Variants in AAK1 observed in about 807,000 individuals in gnomAD.
The protein encoded by AAK1 is AP2 associated kinase 1.
A neutral mutation model predicts 116.0 loss-of-function variants in AAK1; 37 were observed. The observed-to-expected ratio is 0.32, with a 90% confidence interval of 0.25 to 0.42. The LOEUF (loss-of-function observed/expected upper bound fraction) is 0.42. Among genes scored for constraint, AAK1 ranks in the 10% least tolerant of loss-of-function variants. The pLI is 1.00. For missense variants in AAK1, 919 were observed against 1,170.6 expected (o/e 0.79, Z 3.14); for synonymous variants, 458 against 439.9 (o/e 1.04, Z -0.51).
chr2:69,466,506 T>C lies in AAK1; in HGVS notation c.*9363A>G, dbSNP rs1166005763. 1 of 1,237,876 alleles carries C rather than the reference T, an allele frequency of 8.1e-7. No homozygotes were observed. The highest frequency in any genetic ancestry group is 1.4e-5 in the South Asian group (1 of 73,006). 76.7% of individuals were successfully genotyped at this position (1,237,876 alleles called of 1,614,324 possible). Reference sequence around the variant, plus strand: ...TTTAACACCCAGTGATTCTTTAAAGTGCTCTACAGTTATTACAGGACAGGG... The same window carrying C: ...TTTAACACCCAGTGATTCTTTAAAGCGCTCTACAGTTATTACAGGACAGGG... On this transcript the variant is annotated 3_prime_UTR_variant, in exon 22 of 22. Coordinates refer to ENST00000409085, the MANE Select transcript of AAK1 (RefSeq NM_014911.5).
At chr2:69,524,031 C>T (rs962116294) in intron 10 of AAK1, among the ~76,000 whole-genome samples, 7 of 152,200 alleles carry the variant, frequency 4.6e-5, no homozygotes, top group African/African-American at 1.7e-4. Flanking sequence ...TTCGTTTAAT[C>T]CTCTTTTGGC....
chr2:69,569,534 T>G (rs1052667045), intron 2 of AAK1, among the ~76,000 whole-genome samples: 2 of 152,122 alleles, frequency 1.3e-5, no homozygotes, highest in African/African-American at 4.8e-5. Context: ...ATCTTCAGTG[T>G]GCTATTGGAT....
At chr2:69,530,896 C>T (rs904247916) in intron 6 of AAK1, among the ~76,000 whole-genome samples, 190 bp from the exon 7 acceptor site, 4 of 152,276 alleles carry the variant, frequency 2.6e-5, no homozygotes, top group African/African-American at 9.6e-5. Flanking sequence ...CACACCAAGG[C>T]GTTCTGGCAG....
intron 2 of AAK1, among the ~76,000 whole-genome samples, chr2:69,628,884 G>A (rs1260123525): frequency 1.3e-5 from 2 of 152,128 alleles, no homozygotes; most frequent in Non-Finnish European, 2.9e-5. Context: ...CCTCCTCTCT[G>A]AAACTAGCAA....
chr2:69,596,047 C>T (rs1035762880), intron 2 of AAK1, among the ~76,000 whole-genome samples: 4 of 152,114 alleles, frequency 2.6e-5, no homozygotes. Context: ...TAATTTAAGC[C>T]CACTGCAGAC....
Position 69,475,800 on chromosome 2 carries a change from A to G in AAK1, c.*69T>C. The G allele has an allele frequency of 6.6e-7, 1 of 1,512,400 alleles. No homozygotes were observed. Among genetic ancestry groups the G allele is most frequent in the South Asian group, 1.3e-5 (1 of 79,678 alleles). The allele number at this position is 1,512,400 out of a possible 1,614,324, so 93.7% of individuals were successfully genotyped here. A position where few individuals can be genotyped will look rare whatever the true frequency, so the allele number is the denominator to read the frequency against. Reference sequence around the variant, plus strand: ...TTTTTTTAAAAAAATCATTTTTTTCATAACTCCGTAATGAAAATGTATTTT... The same window carrying G: ...TTTTTTTAAAAAAATCATTTTTTTCGTAACTCCGTAATGAAAATGTATTTT... On this transcript the variant is annotated 3_prime_UTR_variant, in exon 22 of 22. Transcript: ENST00000409085.
At position 69,460,681 on chromosome 2, in the gene AAK1, C is replaced by T. The variant is rs1674317845; in HGVS notation, c.*15188G>A. 6.6e-6 allele frequency: 1 copy of T among 152,182 alleles called. No homozygotes were observed. Among genetic ancestry groups the T allele is most frequent in the African/African-American group, 2.4e-5 (1 of 41,430 alleles). 9.4% of individuals were successfully genotyped at this position (152,182 alleles called of 1,614,324 possible). The stretch of plus-strand genomic sequence containing the variant: ...GCCGAAAACAATATAGGGCGTATGA[C>T]CTAGACTCCCTGGGTGCTGCTCAGC... On this transcript the variant is annotated 3_prime_UTR_variant, in exon 22 of 22. Transcript: ENST00000409085.
intron 5 of AAK1, among the ~76,000 whole-genome samples, chr2:69,532,786 G>C (rs771212715): frequency 6.6e-6 from 1 of 152,182 alleles, no homozygotes; most frequent in Non-Finnish European, 1.5e-5. Flanking sequence ...GTGATAAAAT[G>C]TCTGGGGATA....
chr2:69,492,629 TCTC>T (rs1675573094), intron 17 of AAK1, among the ~76,000 whole-genome samples: 1 of 146,594 alleles, frequency 6.8e-6, no homozygotes, highest in South Asian at 2.2e-4. Context: ...TTCAAGCAAT[TCTC>T]CTGTCTCAGT....
intron 2 of AAK1, among the ~76,000 whole-genome samples, chr2:69,591,552 G>A (rs1673033143): frequency 1.6e-5 from 2 of 126,174 alleles, no homozygotes; most frequent in Admixed American, 1.1e-4. Flanking sequence ...AGGGAGTCTC[G>A]CTCTGTCTCC....
chr2:69,474,965 C>T lies in AAK1; in HGVS notation c.*904G>A. On this transcript the variant is annotated 3_prime_UTR_variant, in exon 22 of 22. Transcript: ENST00000409085. Reference sequence around the variant, plus strand: ...TTCTGCTACAATTCCTTCCCCTCCCCATCCTCCCCCCACCCCCGCCCCAGT... The same window carrying T: ...TTCTGCTACAATTCCTTCCCCTCCCTATCCTCCCCCCACCCCCGCCCCAGT... 1.0e-6 allele frequency: 1 copy of T among 970,302 alleles called. No homozygotes were observed. Among genetic ancestry groups the T allele is most frequent in the Non-Finnish European group, 1.2e-6 (1 of 821,102 alleles). The allele number at this position is 970,302 out of a possible 1,614,324, so 60.1% of individuals were successfully genotyped here.
In AAK1 at chr2:69,475,009, A is replaced by T; in HGVS notation, c.*860T>A. ...CCCCAGTGAAAAGTCTTCTAATAAA[A>T]GGTATCATATTACCACCGTCTTGTT... On this transcript the variant is annotated 3_prime_UTR_variant, in exon 22 of 22. Transcript: ENST00000409085. The T allele has an allele frequency of 2.0e-6, 2 of 980,346 alleles. No homozygotes were observed. Among genetic ancestry groups the T allele is most frequent in the Non-Finnish European group, 2.4e-6 (2 of 828,660 alleles). The allele number at this position is 980,346 out of a possible 1,614,324, so 60.7% of individuals were successfully genotyped here. A position where few individuals can be genotyped will look rare whatever the true frequency, so the allele number is the denominator to read the frequency against.
intron 5 of AAK1, among the ~76,000 whole-genome samples, chr2:69,535,474 CA>C (rs1206716929): frequency 2.6e-5 from 4 of 152,134 alleles, no homozygotes; most frequent in African/African-American, 9.7e-5. Flanking sequence ...ACAGAGCTTA[CA>C]GTCCAACTGG....
chr2:69,507,083 G>C (rs767039123), intron 15 of AAK1, among the ~76,000 whole-genome samples: 7 of 152,150 alleles, frequency 4.6e-5, no homozygotes, highest in Non-Finnish European at 7.3e-5. Context: ...CCTAGGATGA[G>C]AGAACCATCA....
intron 16 of AAK1, among the ~76,000 whole-genome samples, chr2:69,503,234 C>T (rs1245918329): frequency 1.3e-5 from 2 of 152,038 alleles, no homozygotes; most frequent in African/African-American, 4.8e-5. Context: ...ACATTCTATT[C>T]AGAAATAAAT....
intron 2 of AAK1, among the ~76,000 whole-genome samples, chr2:69,563,271 G>GCT (rs1411678939): frequency 6.6e-6 from 1 of 152,138 alleles, no homozygotes; most frequent in Non-Finnish European, 1.5e-5. Flanking sequence ...ACTTTGCAAG[G>GCT]AAAAGTGAGG....
chr2:69,473,123 G>T lies in AAK1; in HGVS notation c.*2746C>A. On this transcript the variant is annotated 3_prime_UTR_variant, in exon 22 of 22. Coordinates refer to ENST00000409085, the MANE Select transcript of AAK1 (RefSeq NM_014911.5). ...ACCCATCGTATAACTCTAAGGAACAGCAACTCTGAGAGGTGAAGTGCCTGC... is the reference window on the plus strand; with the variant it reads ...ACCCATCGTATAACTCTAAGGAACATCAACTCTGAGAGGTGAAGTGCCTGC... 1 of 845,698 alleles carries T rather than the reference G, an allele frequency of 1.2e-6. No homozygotes were observed. Among genetic ancestry groups the T allele is most frequent in the Non-Finnish European group, 1.4e-6 (1 of 702,552 alleles). The allele number at this position is 845,698 out of a possible 1,614,324, so 52.4% of individuals were successfully genotyped here.
rs901161206 is a variant in AAK1 at position 69,466,967 on chromosome 2, A to G, written c.*8902T>C. ...TAGAAACACTGTCTGGGGATGACTC[A>G]ATTCAGAATCTGGCATGTGGTCATC... On this transcript the variant is annotated 3_prime_UTR_variant, in exon 22 of 22. Transcript: ENST00000409085. 3 of 985,318 alleles carry G rather than the reference A, an allele frequency of 3.0e-6. No individual in the cohort carries two copies. The Admixed American group carries it at 1.8e-4, about 61-fold the overall frequency. The allele number at this position is 985,318 out of a possible 1,614,324, so 61.0% of individuals were successfully genotyped here.
At chr2:69,495,905 G>A in intron 17 of AAK1, 80 bp downstream of exon 17, 2 of 1,132,788 alleles carry the variant, frequency 1.8e-6, no homozygotes, top group Non-Finnish European at 2.5e-6. Flanking sequence ...TTTTCACGGG[G>A]TATTTAAGGC....
Sources: allele counts gnomAD v4.1 joint callset (sites outside exome capture counted in the v4.1 genomes callset), GRCh38; gene constraint gnomAD v4.1.1; transcripts MANE v1.5; gene names NCBI Gene and HGNC (gene_info 2026-07-23, HGNC 2026-07-21).